Variants in ITGA9 observed in about 807,000 individuals in gnomAD.
ITGA9 encodes integrin subunit alpha 9.
ITGA9 carries 56 observed loss-of-function variants against 127.8 expected under a neutral mutation model. The ratio of observed to expected loss-of-function variants is 0.44; its 90% CI spans 0.35 to 0.55. ITGA9 has a LOEUF of 0.55. Among genes scored for constraint, ITGA9 ranks in the 20% least tolerant of loss-of-function variants. The probability of loss-of-function intolerance (pLI) is 0.00; values close to 1 mark genes in which losing one functional copy is unlikely to be tolerated. For missense variants in ITGA9, 1,196 were observed against 1,347.1 expected (o/e 0.89, Z 1.76); for synonymous variants, 508 against 514.5 (o/e 0.99, Z 0.17).
chr3:37,482,354 G>A (rs1055572064), intron 4 of ITGA9, among the ~76,000 whole-genome samples: 3 of 152,206 alleles, frequency 2.0e-5, no homozygotes, highest in African/African-American at 7.2e-5. Context: ...GGGCATCGAG[G>A]ACAGTCACTA....
chr3:37,592,679 A>G (rs930293105), intron 15 of ITGA9, among the ~76,000 whole-genome samples: 15 of 152,110 alleles, frequency 9.9e-5, no homozygotes, highest in African/African-American at 3.6e-4. Flanking sequence ...GATTGAGAAT[A>G]TGTAGGGGGA....
intron 18 of ITGA9, among the ~76,000 whole-genome samples, chr3:37,690,447 C>T (rs1331606181): frequency 1.3e-5 from 2 of 152,078 alleles, no homozygotes; most frequent in Non-Finnish European, 2.9e-5. Context: ...TGTTTTTAGC[C>T]CATTCTGGAT....
At chr3:37,755,017 A>G (rs2125540047) in intron 23 of ITGA9, among the ~76,000 whole-genome samples, 1 of 152,344 alleles carries the variant, frequency 6.6e-6, no homozygotes, top group Admixed American at 6.5e-5. Context: ...ATCAGTCGAT[A>G]TAATCCAAAG....
intron 13 of ITGA9, among the ~76,000 whole-genome samples, chr3:37,526,440 G>A (rs1194056065): frequency 6.6e-6 from 1 of 152,104 alleles, no homozygotes; most frequent in Non-Finnish European, 1.5e-5. Flanking sequence ...AATTTCCTGC[G>A]GGTGCTGGGA....
At chr3:37,476,850 C>T (rs1448985083) in intron 3 of ITGA9, among the ~76,000 whole-genome samples, 2 of 152,206 alleles carry the variant, frequency 1.3e-5, no homozygotes, top group African/African-American at 4.8e-5. Flanking sequence ...TACCCACTTT[C>T]ATTCTCAGCA....
At chr3:37,690,407 G>A (rs932663443) in intron 18 of ITGA9, among the ~76,000 whole-genome samples, 2 of 152,142 alleles carry the variant, frequency 1.3e-5, no homozygotes, top group Non-Finnish European at 2.9e-5. Context: ...TAGGTTCTAA[G>A]AAATCTCCCC....
At chr3:37,704,145 C>G (rs570625675) in intron 18 of ITGA9, among the ~76,000 whole-genome samples, 1 of 152,160 alleles carries the variant, frequency 6.6e-6, no homozygotes, top group African/African-American at 2.4e-5. Context: ...TGAATTAGAT[C>G]TTTCTTATTA....
In ITGA9 at chr3:37,481,540, T is replaced by C; in HGVS notation, c.477T>C (p.His159=). 1 of 1,614,184 alleles carries C rather than the reference T, an allele frequency of 6.2e-7. No homozygotes were observed. Among genetic ancestry groups the C allele is most frequent in the Non-Finnish European group, 8.5e-7 (1 of 1,180,000 alleles). The change falls in exon 4 of 28, where the codon CAT becomes CAC. Residue 159 remains histidine (H), a synonymous_variant. Transcript: ENST00000264741. ...ATGAAGCCGACCACATCCTACCCCA[T>C]GGCTTCTGCTACATCATCCCCTCCA... ...IYYEADHILP[H]GFCYIIPSNL...
intron 18 of ITGA9, 43 bp downstream of exon 18, chr3:37,684,058 G>T: frequency 1.9e-6 from 3 of 1,559,096 alleles, no homozygotes; most frequent in Non-Finnish European, 2.7e-6. Context: ...GTTCCATCTG[G>T]TGCGCTTGCT....
chr3:37,605,153 A>T (rs1213276840), intron 15 of ITGA9, among the ~76,000 whole-genome samples: 1 of 152,184 alleles, frequency 6.6e-6, no homozygotes, highest in Non-Finnish European at 1.5e-5. Flanking sequence ...TTGCAGGCAG[A>T]GGGAACAGCA....
At chr3:37,601,066 G>A (rs1384806764) in intron 15 of ITGA9, among the ~76,000 whole-genome samples, 17 of 152,318 alleles carry the variant, frequency 1.1e-4, no homozygotes, top group South Asian at 6.2e-4. Flanking sequence ...ATGGACCATG[G>A]TGGGTCTTTG....
intron 15 of ITGA9, among the ~76,000 whole-genome samples, chr3:37,556,903 C>T (rs1191857053): frequency 6.6e-6 from 1 of 152,120 alleles, no homozygotes; most frequent in Non-Finnish European, 1.5e-5. Context: ...TAGTGCAGCT[C>T]GCCAGCCCAC....
intron 15 of ITGA9, among the ~76,000 whole-genome samples, chr3:37,564,634 C>T (rs770562181): frequency 3.9e-5 from 6 of 152,206 alleles, no homozygotes; most frequent in Non-Finnish European, 7.4e-5. Flanking sequence ...CCACTGCATA[C>T]GTGGGTGTAT....
rs72867553 is a variant in ITGA9 at position 37,516,435 on chromosome 3, G to A, written c.1036-1069G>A. Among the ~76,000 whole-genome samples the A allele has an allele frequency of 8.4e-3, 1,284 of 152,242 alleles. 14 individuals are homozygous for A. The highest frequency in any genetic ancestry group is 0.029 in the African/African-American group (1,201 of 41,538). ...AATTTCCTCATCTGTAAAGTGAGAG[G>A]CATCATAAGATCTTCCTTATGGAGT... is the stretch of plus-strand genomic sequence containing the variant. On this transcript the variant is annotated intron_variant, in intron 9 of 27. Coordinates refer to ENST00000264741, the MANE Select transcript of ITGA9 (RefSeq NM_002207.3).
intron 14 of ITGA9, 126 bp from the exon 15 acceptor site, chr3:37,542,299 A>C: frequency 1.0e-6 from 1 of 995,540 alleles, no homozygotes; most frequent in Non-Finnish European, 1.6e-6. Flanking sequence ...TTGGGGCTGC[A>C]GTCTCCTGCC....
chr3:37,702,713 A>G (rs1700960952), intron 18 of ITGA9, among the ~76,000 whole-genome samples: 1 of 152,122 alleles, frequency 6.6e-6, no homozygotes, highest in Admixed American at 6.5e-5. Context: ...GCTGCAGGAG[A>G]GGAGCTGCTA....
chr3:37,811,380 G>A (rs1455539149), intron 27 of ITGA9, among the ~76,000 whole-genome samples: 2 of 152,146 alleles, frequency 1.3e-5, no homozygotes, highest in African/African-American at 2.4e-5. Flanking sequence ...GCTCAGAGGT[G>A]CAGGAGGGAT....
At chr3:37,595,122 T>C (rs1361656548) in intron 15 of ITGA9, among the ~76,000 whole-genome samples, 1 of 152,104 alleles carries the variant, frequency 6.6e-6, no homozygotes, top group Non-Finnish European at 1.5e-5. Flanking sequence ...TTTTTGACTT[T>C]GAGACAGGAT....
At position 37,631,144 on chromosome 3, in the gene ITGA9, C is replaced by T. The variant is rs113852388; in HGVS notation, c.1839+1808C>T. Among the ~76,000 whole-genome samples, 432 of 152,314 alleles carry T rather than the reference C, an allele frequency of 2.8e-3. 7 individuals are homozygous for T. Among genetic ancestry groups the T allele is most frequent in the African/African-American group, 0.01 (417 of 41,566 alleles). ...TACTGGACTGATAAACTTACCCATACTTGGGTTACGGAAGTTACCCAGACT... is the reference window on the plus strand; with the variant it reads ...TACTGGACTGATAAACTTACCCATATTTGGGTTACGGAAGTTACCCAGACT... On this transcript the variant is annotated intron_variant, in intron 16 of 27. Coordinates refer to ENST00000264741, the MANE Select transcript of ITGA9 (RefSeq NM_002207.3).
Sources: allele counts gnomAD v4.1 joint callset (sites outside exome capture counted in the v4.1 genomes callset), GRCh38; gene constraint gnomAD v4.1.1; transcripts MANE v1.5; gene names NCBI Gene and HGNC (gene_info 2026-07-23, HGNC 2026-07-21).